Variants in STAG3 observed in about 807,000 individuals in gnomAD.
The protein encoded by STAG3 is STAG3 cohesin complex component, also known as cohesin subunit SA-3.
In STAG3, 101 loss-of-function variants were observed where a neutral mutation model predicts 160.7. The observed-to-expected ratio is 0.63, with a 90% CI of 0.54 to 0.74. The LOEUF (loss-of-function observed/expected upper bound fraction) is 0.74, where lower values mean the gene tolerates loss of function less well. Among genes scored for constraint, STAG3 ranks in the 30% least tolerant of loss-of-function variants. The pLI is 0.00. For missense variants in STAG3, 1,188 were observed against 1,517.4 expected (o/e 0.78, Z 3.61); for synonymous variants, 519 against 585.0 (o/e 0.89, Z 1.63).
At position 100,188,847 on chromosome 7, in the gene STAG3, A is replaced by G. The variant is rs1327688882; in HGVS notation, c.546A>G (p.Pro182=). 5.6e-6 allele frequency: 9 copies of G among 1,614,014 alleles called. No homozygotes were observed. In the Admixed American group the frequency reaches 6.7e-5, roughly 12 times the overall value. Residue 182 remains proline, a synonymous_variant, in exon 7 of 34, where the codon CCA becomes CCG. Coordinates refer to ENST00000615138, the MANE Select transcript of STAG3 (RefSeq NM_001282717.2). ...ACTACCCTCTCATAGCTCCAGGTCC[A>G]TCCTGGAAGAAGTTCCAGGGCAGCT... ...SGDYPLIAPG[P]SWKKFQGSFC... is the part of the protein sequence containing the mutation.
Position 100,205,338 on chromosome 7 carries a change from G to A in STAG3, c.3192G>A (p.Glu1064=), listed in dbSNP as rs777600933. Residue 1064 remains glutamate, a synonymous_variant, in exon 29 of 34, where the codon GAG becomes GAA. Transcript: ENST00000615138. ...TCAGCCCTGTGGAGAACACAGCAGA[G>A]ACCAGCCCTCAGGTCCTCCCCAGCT... ...HSLSPVENTA[E]TSPQVLPSSK... is the part of the protein sequence containing the mutation. The A allele has an allele frequency of 2.5e-6, 4 of 1,614,214 alleles. No individual in the cohort carries two copies. The highest frequency in any genetic ancestry group is 3.4e-6 in the Non-Finnish European group (4 of 1,180,044).
At chr7:100,205,444 CTTA>C in intron 29 of STAG3, 60 bp downstream of exon 29, 1 of 1,489,552 alleles carries the variant, frequency 6.7e-7, no homozygotes, top group African/African-American at 1.4e-5. Flanking sequence ...TGCCTGCAAA[CTTA>C]TTTTGTCAAG....
downstream of STAG3, among the ~76,000 whole-genome samples, chr7:100,215,677 T>C (rs1391715872): frequency 6.6e-6 from 1 of 152,164 alleles, no homozygotes; most frequent in Non-Finnish European, 1.5e-5. Flanking sequence ...TGGACACCTG[T>C]GTACAGCCAG....
chr7:100,201,721 T>C (rs1801151142), intron 21 of STAG3, 65 bp from the exon 22 acceptor site: 1 of 1,387,856 alleles, frequency 7.2e-7, no homozygotes, highest in Admixed American at 1.7e-5. Flanking sequence ...ACTGGTGTGT[T>C]TCTGGCTATC....
chr7:100,201,009 G>A, intron 19 of STAG3, 40 bp downstream of exon 19: 1 of 1,614,028 alleles, frequency 6.2e-7, no homozygotes, highest in Non-Finnish European at 8.5e-7. Context: ...CCCAAACAAG[G>A]GTGGGAGGGG....
intron 29 of STAG3, among the ~76,000 whole-genome samples, chr7:100,208,120 A>G (rs937954541): frequency 1.3e-5 from 2 of 152,134 alleles, no homozygotes; most frequent in Non-Finnish European, 2.9e-5. Flanking sequence ...TGTCTCAGAA[A>G]AAAAAAAAAA....
chr7:100,217,753 A>C (rs1009172187), downstream of STAG3, among the ~76,000 whole-genome samples: 9 of 152,238 alleles, frequency 5.9e-5, no homozygotes, highest in African/African-American at 1.9e-4. Flanking sequence ...GCGGAGAGAG[A>C]GAGGACAGCT....
downstream of STAG3, among the ~76,000 whole-genome samples, chr7:100,215,864 T>G (rs964297892): frequency 6.6e-6 from 1 of 152,174 alleles, no homozygotes; most frequent in Non-Finnish European, 1.5e-5. Context: ...TGCTAGTTAG[T>G]GGGCCCAGAT....
intron 12 of STAG3, 111 bp from the exon 13 acceptor site, chr7:100,198,364 G>A (rs1467156224): frequency 1.5e-5 from 20 of 1,314,634 alleles, no homozygotes; most frequent in Non-Finnish European, 2.2e-5. Context: ...TCATTTAGAA[G>A]TTTTTTGTGA....
At chr7:100,216,475 C>A (rs1802761507), downstream of STAG3, among the ~76,000 whole-genome samples, 1 of 152,112 alleles carries the variant, frequency 6.6e-6, no homozygotes, top group Admixed American at 6.5e-5. Context: ...TTTTTAAAAT[C>A]ATGGTTCAAC....
chr7:100,184,689 A>C (rs1271447795), intron 4 of STAG3, among the ~76,000 whole-genome samples: 1 of 151,902 alleles, frequency 6.6e-6, no homozygotes, highest in Admixed American at 6.6e-5. Context: ...GATGGTCTCG[A>C]TCTTTTGACC....
intron 31 of STAG3, 79 bp downstream of exon 31, chr7:100,211,618 C>T (rs2117535884): frequency 6.6e-7 from 1 of 1,519,994 alleles, no homozygotes; most frequent in Non-Finnish European, 9.1e-7. Context: ...CACCCATTGC[C>T]TCTCTGTGGG....
Position 100,199,617 on chromosome 7 carries a change from G to A in STAG3, c.1650G>A (p.Pro550=), listed in dbSNP as rs760213165. ...CCCGGCAAGCTTCAGAGGGGCACCC[G>A]CCTGTGGGCCGGGTCACTGGGAGGA... ...SSARQASEGH[P]PVGRVTGRKG... The change falls in exon 16 of 34, where the codon CCG becomes CCA. Residue 550 remains proline (P), a synonymous_variant. Coordinates refer to ENST00000615138, the MANE Select transcript of STAG3 (RefSeq NM_001282717.2). 1.1e-5 allele frequency: 17 copies of A among 1,602,170 alleles called. No homozygotes were observed. The highest frequency in any genetic ancestry group is 2.2e-5 in the East Asian group (1 of 44,802).
At chr7:100,213,242 C>A (rs1802427121) in intron 32 of STAG3, 2 of 968,044 alleles carry the variant, frequency 2.1e-6, no homozygotes, top group Non-Finnish European at 2.5e-6. Context: ...GGCCCCACTT[C>A]CAAACAGCAT....
At position 100,207,096 on chromosome 7, in the gene STAG3, C is replaced by T. The variant is rs545402478; in HGVS notation, c.3238+1712C>T. Among the ~76,000 whole-genome samples, 5 of 152,260 alleles carry T rather than the reference C, an allele frequency of 3.3e-5. No homozygotes were observed. Among genetic ancestry groups the T allele is most frequent in the African/African-American group, 9.6e-5 (4 of 41,550 alleles). ...CCTTTTTATGGCCGAAACAATATGCCATCGTGTGGATATGCCACATTCTAC... is the reference window on the plus strand; with the variant it reads ...CCTTTTTATGGCCGAAACAATATGCTATCGTGTGGATATGCCACATTCTAC... On this transcript the variant is annotated intron_variant, in intron 29 of 33. Coordinates refer to ENST00000615138, the MANE Select transcript of STAG3 (RefSeq NM_001282717.2). This position sits in a 1 kb window ranked among gnomAD's most constrained non-coding sequence, Gnocchi z 4.0.
chr7:100,213,494 A>C (rs1802463711), intron 32 of STAG3: 3 of 985,208 alleles, frequency 3.0e-6, no homozygotes, highest in Admixed American at 6.2e-5. Flanking sequence ...CATCTCAGAA[A>C]AAATCCGTTT....
rs1801045593 is a variant in STAG3, at chr7:100,200,617, T to C, written c.1860+75T>C. On this transcript the variant is annotated intron_variant, in intron 18 of 33. Coordinates refer to ENST00000615138, the MANE Select transcript of STAG3 (RefSeq NM_001282717.2). The stretch of plus-strand genomic sequence containing the variant: ...GGGTTCTATTGCCAGTATCTTTTTT[T>C]CCTAAGAACTTGGGTTCCAGAAAAA... 1.9e-6 allele frequency: 3 copies of C among 1,560,638 alleles called. No individual in the cohort carries two copies. In the South Asian group the frequency reaches 3.4e-5, roughly 18 times the overall value.
In STAG3 at chr7:100,199,361, G is replaced by A. The variant is rs747089940; in HGVS notation, c.1567G>A (p.Asp523Asn). Residue 523 changes from aspartate (D) to asparagine (N), a missense_variant, in exon 15 of 34, where the codon GAC (aspartate) becomes AAC (asparagine). By Grantham distance (23) the Asp-to-Asn change is conservative. Around this residue, in one of 4 missense-constraint regions of STAG3, gnomAD observed 240 missense variants for 358.1 expected, o/e 0.67. Transcript: ENST00000615138. Reference sequence around the variant, plus strand: ...TCTGACAAGCCTGCTGCTGGAGAAGGACCAGAGTACGTGTCACACGGAGCC... The same window carrying A: ...TCTGACAAGCCTGCTGCTGGAGAAGAACCAGAGTACGTGTCACACGGAGCC... ...EGLTSLLLEK[D>N]QNLGDVQEST... The A allele has an allele frequency of 1.2e-6, 2 of 1,613,876 alleles. No individual in the cohort carries two copies. Among genetic ancestry groups the A allele is most frequent in the Non-Finnish European group, 1.7e-6 (2 of 1,179,738 alleles).
intron 31 of STAG3, 117 bp from the exon 32 acceptor site, chr7:100,211,678 G>A (rs1000241826): frequency 1.1e-5 from 16 of 1,405,848 alleles, no homozygotes; most frequent in Admixed American, 9.4e-5. Flanking sequence ...CAGCACAATC[G>A]GGAAACTACT....
Sources: gnomAD v4.1 joint callset for allele counts (sites outside exome capture counted in the v4.1 genomes callset) on GRCh38, gnomAD v4.1.1 for gene constraint, gnomAD v4.1.1 regional missense constraint, Gnocchi (gnomAD v3.1) non-coding constraint, MANE v1.5 for transcripts, NCBI Gene and HGNC (gene_info 2026-07-23, HGNC 2026-07-21) for gene names.